The following MOV10 variants were observed in gnomAD, a reference collection of about 807,000 sequenced individuals.
The protein encoded by MOV10 is Mov10 RNA helicase.
MOV10 carries 39 observed loss-of-function variants against 108.4 expected under a neutral mutation model. That is an observed-to-expected ratio of 0.36 (90% CI 0.28 to 0.47). MOV10 has a LOEUF of 0.47. Ranked by LOEUF, MOV10 falls within the 20% of genes least tolerant of loss-of-function variation. MOV10 has a pLI of 1.00. For missense variants in MOV10, 952 were observed against 1,297.6 expected, an observed-to-expected ratio of 0.73 and a Z score of 4.09; for synonymous variants, 490 against 523.1, an observed-to-expected ratio of 0.94 and a Z score of 0.86.
In MOV10 at chr1:112,690,046, A is replaced by G; in HGVS notation, c.784A>G (p.Thr262Ala). The change falls in exon 5 of 21, where the codon ACC becomes GCC. Residue 262 changes from threonine (T) to alanine (A), a missense_variant. Coordinates refer to ENST00000369645, the MANE Select transcript of MOV10 (RefSeq NM_001321324.2). ...PMTPFKRTRI[T>A]GNPVVTNRIE... ...GACTCCCTTCAAGCGGACCCGGATC[A>G]CCGGAAACCCTGTGGTGACCAATCG... The G allele has an allele frequency of 6.2e-7, 1 of 1,614,064 alleles. No homozygotes were observed. The highest frequency in any genetic ancestry group is 8.5e-7 in the Non-Finnish European group (1 of 1,180,038).
chr1:112,699,026 A>G, intron 17 of MOV10: 1 of 539,180 alleles, frequency 1.9e-6, no homozygotes, highest in Non-Finnish European at 3.3e-6. Context: ...AGACTGAGGC[A>G]GGTTTGAGGC....
Position 112,699,818 on chromosome 1 carries a change from G to A in MOV10, c.2709+8G>A. 6.2e-7 allele frequency: 1 copy of A among 1,614,168 alleles called. No homozygotes were observed. Among genetic ancestry groups the A allele is most frequent in the Non-Finnish European group, 8.5e-7 (1 of 1,180,010 alleles). Reference sequence around the variant, plus strand: ...TTCCTTAAGAACCCCAAGGTTTGAGGGCTGGTCGGGGTGGCAGGAATTCTT... The same window carrying A: ...TTCCTTAAGAACCCCAAGGTTTGAGAGCTGGTCGGGGTGGCAGGAATTCTT... On this transcript the variant is annotated splice_region_variant and intron_variant, in intron 18 of 20. Transcript: ENST00000369645.
intron 2 of MOV10, among the ~76,000 whole-genome samples, chr1:112,679,468 T>C (rs140528163): frequency 3.9e-5 from 6 of 152,246 alleles, no homozygotes; most frequent in African/African-American, 1.4e-4. Flanking sequence ...GCATTATCGT[T>C]GTTACTATGG....
intron 1 of MOV10, 44 bp from the exon 2 acceptor site, chr1:112,674,804 C>G: frequency 1.8e-6 from 2 of 1,139,404 alleles, no homozygotes; most frequent in Non-Finnish European, 2.4e-6. Context: ...AGTTAGGGGG[C>G]TTCCCTCCTG....
At position 112,694,610 on chromosome 1, in the gene MOV10, C is replaced by T. The variant is rs1198168739; in HGVS notation, c.1453C>T (p.Pro485Ser). The T allele has an allele frequency of 6.2e-7, 1 of 1,605,334 alleles. No individual in the cohort carries two copies. Among genetic ancestry groups the T allele is most frequent in the East Asian group, 2.2e-5 (1 of 44,788 alleles). The change falls in exon 9 of 21, where the codon CCC becomes TCC. Residue 485 changes from proline (P) to serine (S), a missense_variant. By Grantham distance (74) the Pro-to-Ser change is moderately conservative. Transcript: ENST00000369645. This position sits in a 1 kb window ranked among gnomAD's most constrained non-coding sequence, Gnocchi z 4.1. ...PVAPRDVPLL[P>S]SDVKLKLYDR... ...GGCACCTCGGGACGTCCCGCTGCTGCCCTCAGATGTGAAACTCAAGTGAGA... is the reference window on the plus strand; with the variant it reads ...GGCACCTCGGGACGTCCCGCTGCTGTCCTCAGATGTGAAACTCAAGTGAGA...
chr1:112,700,144 A>G (rs1674514851), intron 19 of MOV10, 75 bp from the exon 20 acceptor site: 2 of 1,607,970 alleles, frequency 1.2e-6, no homozygotes, highest in Admixed American at 3.3e-5. Context: ...CCAGAGGTTG[A>G]GCAAGTACAG....
rs999346960 is a variant in MOV10 at position 112,675,451 on chromosome 1, G to T, written c.137+402G>T. 1.3e-5 allele frequency among the ~76,000 whole-genome samples: 2 copies of T among 152,242 alleles called. No homozygotes were observed. Among genetic ancestry groups the T allele is most frequent in the African/African-American group, 2.4e-5 (1 of 41,474 alleles). On this transcript the variant is annotated intron_variant, in intron 2 of 20. Transcript: ENST00000369645. This position sits in a 1 kb window ranked among gnomAD's most constrained non-coding sequence, Gnocchi z 4.7. ...CGGGAGCGCGGGTTAGAGGCTGCCT[G>T]TTGGGGGCTGCGAGCCCGAGCGCGG...
At chr1:112,688,856 G>C in intron 2 of MOV10, 79 bp from the exon 3 acceptor site, 1 of 1,597,452 alleles carries the variant, frequency 6.3e-7, no homozygotes, top group Non-Finnish European at 8.5e-7. Flanking sequence ...GTGACCCTCC[G>C]ATGCCCTTTC....
intron 2 of MOV10, among the ~76,000 whole-genome samples, chr1:112,686,478 C>T (rs2101323005): frequency 6.6e-6 from 1 of 152,280 alleles, no homozygotes; most frequent in South Asian, 2.1e-4. Context: ...TTCCCTTCCT[C>T]CCCGGGTTGT....
chr1:112,696,795 G>T lies in MOV10; in HGVS notation c.2147G>T (p.Gly716Val). 1 of 1,605,746 alleles carries T rather than the reference G, an allele frequency of 6.2e-7. No homozygotes were observed. Among genetic ancestry groups the T allele is most frequent in the African/African-American group, 1.3e-5 (1 of 74,958 alleles). ...ACCTACAACTCCCTGTACAAGAAGG[G>T]CCCTGATGGCTATGACCCCCAGTTC... ...LLTYNSLYKKGPDGYDPQFIT... is the reference protein window; with the variant it reads ...LLTYNSLYKKVPDGYDPQFIT... Residue 716 changes from glycine to valine, a missense_variant, in exon 14 of 21, where the codon GGC (glycine) becomes GTC (valine). Gly to Val is a moderately radical substitution (Grantham distance 109, BLOSUM62 -3). Coordinates refer to ENST00000369645, the MANE Select transcript of MOV10 (RefSeq NM_001321324.2).
intron 2 of MOV10, among the ~76,000 whole-genome samples, chr1:112,681,816 A>G (rs1672674025): frequency 6.6e-6 from 1 of 151,998 alleles, no homozygotes; most frequent in Non-Finnish European, 1.5e-5. Flanking sequence ...ACAAATTATT[A>G]TTAATTATTT....
intron 7 of MOV10, 84 bp from the exon 8 acceptor site, chr1:112,693,934 C>T (rs998587127): frequency 8.5e-6 from 11 of 1,297,080 alleles, no homozygotes; most frequent in African/African-American, 1.5e-5. Context: ...AGTCCTTGTC[C>T]CTTAAAGGTC....
At chr1:112,688,751 T>C (rs1673291352) in intron 2 of MOV10, 184 bp from the exon 3 acceptor site, 7 of 1,440,316 alleles carry the variant, frequency 4.9e-6, no homozygotes, top group Non-Finnish European at 6.4e-6. Context: ...TTGCCTTCCC[T>C]GAAAACATTA....
intron 19 of MOV10, 73 bp from the exon 20 acceptor site, chr1:112,700,146 C>G: frequency 6.2e-7 from 1 of 1,607,758 alleles, no homozygotes; most frequent in Non-Finnish European, 8.5e-7. Context: ...AGAGGTTGAG[C>G]AAGTACAGCT....
chr1:112,688,826 G>T, intron 2 of MOV10, 109 bp from the exon 3 acceptor site: 3 of 1,557,276 alleles, frequency 1.9e-6, no homozygotes, highest in Non-Finnish European at 2.6e-6. Context: ...CCACAGCAGG[G>T]CTGGTGTGTC....
chr1:112,689,394 CTTGA>C lies in MOV10; in HGVS notation c.342-20_342-17del. 3 of 1,499,150 alleles carry C rather than the reference CTTGA, an allele frequency of 2.0e-6. No individual in the cohort carries two copies. The highest frequency in any genetic ancestry group is 2.8e-6 in the Non-Finnish European group (3 of 1,076,052). The allele number at this position is 1,499,150 out of a possible 1,614,324, so 92.9% of individuals were successfully genotyped here. On this transcript the variant is annotated splice_polypyrimidine_tract_variant and intron_variant, in intron 3 of 20. Coordinates refer to ENST00000369645, the MANE Select transcript of MOV10 (RefSeq NM_001321324.2). Reference sequence around the variant, plus strand: ...CAGACCGCTCCCACCCCAACCCCCCCTTGACTCCCCTTCTCCCCAGGGCTGAGTA... The same window carrying C: ...CAGACCGCTCCCACCCCAACCCCCCCCTCCCCTTCTCCCCAGGGCTGAGTA...
intron 16 of MOV10, 108 bp from the exon 17 acceptor site, chr1:112,698,607 A>G: frequency 1.4e-6 from 2 of 1,445,374 alleles, no homozygotes; most frequent in Non-Finnish European, 1.9e-6. Context: ...AAGAGCACCA[A>G]GGTCAGCTGC....
intron 7 of MOV10, among the ~76,000 whole-genome samples, chr1:112,693,471 G>A (rs899168387): frequency 2.0e-5 from 3 of 151,996 alleles, no homozygotes; most frequent in East Asian, 1.9e-4. Context: ...CCGCCGCCCG[G>A]GCTCAAGTGA....
At chr1:112,679,326 G>A (rs1327974875) in intron 2 of MOV10, among the ~76,000 whole-genome samples, 1 of 152,070 alleles carries the variant, frequency 6.6e-6, no homozygotes, top group Non-Finnish European at 1.5e-5. Flanking sequence ...GGCCAAGTGT[G>A]GTTGAGGATG....
Sources: gnomAD v4.1 joint callset for allele counts (sites outside exome capture counted in the v4.1 genomes callset) on GRCh38, gnomAD v4.1.1 for gene constraint, Gnocchi (gnomAD v3.1) non-coding constraint, MANE v1.5 for transcripts, NCBI Gene and HGNC (gene_info 2026-07-23, HGNC 2026-07-21) for gene names.